CDK8: variants seen among roughly 807,000 people sequenced by gnomAD.
CDK8 encodes cyclin dependent kinase 8, also known as cyclin-dependent kinase 8.
CDK8 carries 29 observed loss-of-function variants against 71.5 expected under a neutral mutation model. The observed-to-expected ratio is 0.41, with a 90% confidence interval of 0.30 to 0.55. The LOEUF (loss-of-function observed/expected upper bound fraction) is 0.55. CDK8 is among the 20% of genes least tolerant of loss of function. The pLI is 0.37. For synonymous variants in CDK8, 161 were observed against 192.1 expected (o/e 0.84, Z 1.34); for missense variants, 288 against 572.6 (o/e 0.50, Z 5.07).
chr13:26,330,955 C>A (rs1593268164), intron 1 of CDK8, among the ~76,000 whole-genome samples: 1 of 152,038 alleles, frequency 6.6e-6, no homozygotes, highest in Non-Finnish European at 1.5e-5. Flanking sequence ...TAGTGGATAC[C>A]CAGTAGTGGG....
At chr13:26,258,492 GGTGTGT>G (rs56993639) in intron 1 of CDK8, among the ~76,000 whole-genome samples, 6 of 147,424 alleles carry the variant, frequency 4.1e-5, no homozygotes, top group East Asian at 2.0e-4. Context: ...TATCTAGAGG[GGTGTGT>G]GTGTGTGTGT....
At chr13:26,340,896 C>G (rs1388538049) in intron 2 of CDK8, among the ~76,000 whole-genome samples, 1 of 152,132 alleles carries the variant, frequency 6.6e-6, no homozygotes, top group African/African-American at 2.4e-5. Context: ...AAAATTTCTT[C>G]TAAAAGCAAA....
At chr13:26,256,604 G>C (rs901388912) in intron 1 of CDK8, among the ~76,000 whole-genome samples, 4 of 152,032 alleles carry the variant, frequency 2.6e-5, no homozygotes, top group African/African-American at 4.8e-5. Context: ...TATTGGCAGG[G>C]GGTACTTAAG....
At chr13:26,348,886 G>A (rs570537906) in intron 2 of CDK8, among the ~76,000 whole-genome samples, 186 bp from the exon 3 acceptor site, 47 of 152,302 alleles carry the variant, frequency 3.1e-4, no homozygotes, top group African/African-American at 1.0e-3. Context: ...CCTGTTCAGT[G>A]TCTTTTCCTC....
chr13:26,323,606 T>C (rs746461358), intron 1 of CDK8, among the ~76,000 whole-genome samples: 10 of 152,186 alleles, frequency 6.6e-5, no homozygotes, highest in Non-Finnish European at 1.2e-4. Flanking sequence ...TTGTTCAGTG[T>C]ATGTTCTTCC....
intron 4 of CDK8, among the ~76,000 whole-genome samples, chr13:26,361,784 CTTTTTTTTTTTT>C (rs553508554): frequency 3.0e-4 from 19 of 63,346 alleles, no homozygotes; most frequent in East Asian, 1.9e-3. Context: ...TTTCTTTTCC[CTTTTTTTTTTTT>C]TTTTTTTTTT....
intron 1 of CDK8, among the ~76,000 whole-genome samples, chr13:26,284,708 C>G (rs1354029648): frequency 1.3e-5 from 2 of 152,114 alleles, no homozygotes; most frequent in Non-Finnish European, 2.9e-5. Flanking sequence ...GAATTGGTAT[C>G]AGTTTTACTA....
intron 2 of CDK8, among the ~76,000 whole-genome samples, chr13:26,348,690 C>CA (rs1325218270): frequency 2.0e-5 from 3 of 151,492 alleles, no homozygotes; most frequent in Non-Finnish European, 4.4e-5. Flanking sequence ...TTTGGGATGA[C>CA]AAAAAAAATT....
At chr13:26,280,458 A>G (rs1258314389) in intron 1 of CDK8, among the ~76,000 whole-genome samples, 3 of 152,232 alleles carry the variant, frequency 2.0e-5, no homozygotes, top group Admixed American at 1.3e-4. Flanking sequence ...AGTAGCTCAT[A>G]GTGACTCAAC....
At chr13:26,403,773 C>T (rs1177329313) in intron 12 of CDK8, among the ~76,000 whole-genome samples, 183 bp from the exon 13 acceptor site, 1 of 152,170 alleles carries the variant, frequency 6.6e-6, no homozygotes, top group Non-Finnish European at 1.5e-5. Context: ...TATTTCTGAC[C>T]TTCCTCAAGA....
At chr13:26,317,098 A>G (rs1874545020) in intron 1 of CDK8, among the ~76,000 whole-genome samples, 1 of 152,214 alleles carries the variant, frequency 6.6e-6, no homozygotes. Flanking sequence ...ACAAGGTTTA[A>G]GCGACCTGTG....
At chr13:26,268,499 A>G (rs1456997851) in intron 1 of CDK8, among the ~76,000 whole-genome samples, 1 of 151,914 alleles carries the variant, frequency 6.6e-6, no homozygotes, top group East Asian at 1.9e-4. Flanking sequence ...TATTTTTTGT[A>G]GAGATGTAGT....
At chr13:26,368,664 A>G (rs1434975507) in intron 4 of CDK8, among the ~76,000 whole-genome samples, 3 of 152,252 alleles carry the variant, frequency 2.0e-5, no homozygotes, top group Non-Finnish European at 4.4e-5. Flanking sequence ...CAAATATAAT[A>G]GAAGTGACTT....
At chr13:26,318,466 C>T (rs967184353) in intron 1 of CDK8, among the ~76,000 whole-genome samples, 1 of 152,116 alleles carries the variant, frequency 6.6e-6, no homozygotes, top group Non-Finnish European at 1.5e-5. Flanking sequence ...GGTACCAAAG[C>T]CAGACAAACA....
intron 1 of CDK8, among the ~76,000 whole-genome samples, chr13:26,295,192 G>C (rs1873494015): frequency 6.6e-6 from 1 of 152,158 alleles, no homozygotes; most frequent in South Asian, 2.1e-4. Flanking sequence ...AACATTGACT[G>C]TATGATCTGT....
chr13:26,335,440 C>T (rs569145971), intron 1 of CDK8, among the ~76,000 whole-genome samples: 4 of 152,202 alleles, frequency 2.6e-5, no homozygotes, highest in South Asian at 4.1e-4. Context: ...CTTGTGGCTT[C>T]GATCACTGTG....
chr13:26,351,120 G>C (rs1873662550), intron 3 of CDK8, among the ~76,000 whole-genome samples: 1 of 151,990 alleles, frequency 6.6e-6, no homozygotes, highest in South Asian at 2.1e-4. Flanking sequence ...TAAGAAACAA[G>C]TAAACTAAAC....
chr13:26,302,678 A>G (rs1873875169), intron 1 of CDK8, among the ~76,000 whole-genome samples: 1 of 152,260 alleles, frequency 6.6e-6, no homozygotes, highest in African/African-American at 2.4e-5. Flanking sequence ...GAAATAAGAT[A>G]GATCATTGTT....
At chr13:26,289,882 C>T (rs1335005208) in intron 1 of CDK8, among the ~76,000 whole-genome samples, 1 of 152,148 alleles carries the variant, frequency 6.6e-6, no homozygotes, top group Admixed American at 6.5e-5. Flanking sequence ...TTTAAGGATT[C>T]ATCTAATTCT....
Sources: allele counts gnomAD v4.1 joint callset (sites outside exome capture counted in the v4.1 genomes callset), GRCh38; gene constraint gnomAD v4.1.1; transcripts MANE v1.5; gene names NCBI Gene and HGNC (gene_info 2026-07-23, HGNC 2026-07-21).